Variants in SENP7 observed in about 807,000 individuals in gnomAD.
SENP7 encodes sentrin-specific protease 7.
SENP7 carries 64 observed loss-of-function variants against 141.2 expected under a neutral mutation model. The ratio of observed to expected loss-of-function variants is 0.45; its 90% CI spans 0.37 to 0.56. The LOEUF (loss-of-function observed/expected upper bound fraction) is 0.56, where lower values mean the gene tolerates loss of function less well. Among genes scored for constraint, SENP7 ranks in the 20% least tolerant of loss-of-function variants. The pLI is 0.00. For missense variants in SENP7, 1,025 were observed against 1,212.2 expected (o/e 0.85, Z 2.29); for synonymous variants, 382 against 426.4 (o/e 0.90, Z 1.28).
intron 4 of SENP7, among the ~76,000 whole-genome samples, chr3:101,434,787 C>T (rs866398259): frequency 2.0e-5 from 3 of 151,996 alleles, no homozygotes; most frequent in Non-Finnish European, 4.4e-5. Context: ...AAAAGTCTCC[C>T]AGTAAAGGAA....
chr3:101,481,415 CAT>C (rs1393514234), intron 3 of SENP7, among the ~76,000 whole-genome samples: 1 of 152,114 alleles, frequency 6.6e-6, no homozygotes, highest in Non-Finnish European at 1.5e-5. Context: ...TGTATTCACT[CAT>C]ATGTGGGTGC....
chr3:101,339,096 A>G (rs2059263535), intron 16 of SENP7, among the ~76,000 whole-genome samples: 1 of 152,190 alleles, frequency 6.6e-6, no homozygotes, highest in Non-Finnish European at 1.5e-5. Flanking sequence ...TGTATTCCAT[A>G]TGTTCAAAAA....
chr3:101,413,635 C>A (rs1198321264), intron 5 of SENP7, among the ~76,000 whole-genome samples: 2 of 149,344 alleles, frequency 1.3e-5, no homozygotes, highest in Non-Finnish European at 3.0e-5. Context: ...GTGTGATAAG[C>A]GTTATGATAT....
chr3:101,384,918 T>C (rs1046333751), intron 6 of SENP7, among the ~76,000 whole-genome samples: 1 of 152,224 alleles, frequency 6.6e-6, no homozygotes, highest in Non-Finnish European at 1.5e-5. Flanking sequence ...CTATTAAACC[T>C]CATTTCTTAC....
At chr3:101,432,634 C>G (rs1031527042) in intron 4 of SENP7, among the ~76,000 whole-genome samples, 1 of 152,334 alleles carries the variant, frequency 6.6e-6, no homozygotes, top group African/African-American at 2.4e-5. Flanking sequence ...GAACAAGAGT[C>G]TCTGCCTGGT....
intron 4 of SENP7, among the ~76,000 whole-genome samples, chr3:101,453,959 C>T (rs1285336474): frequency 6.7e-6 from 1 of 150,000 alleles, no homozygotes. Flanking sequence ...AACAAAACCA[C>T]AATGAGATAC....
At chr3:101,465,868 TA>T (rs1306509752) in intron 3 of SENP7, among the ~76,000 whole-genome samples, 1 of 152,162 alleles carries the variant, frequency 6.6e-6, no homozygotes, top group Admixed American at 6.5e-5. Flanking sequence ...CTAAGTGAGA[TA>T]TTTTTTAAAA....
intron 5 of SENP7, among the ~76,000 whole-genome samples, chr3:101,403,356 G>A (rs1424073769): frequency 6.6e-6 from 1 of 152,166 alleles, no homozygotes; most frequent in Admixed American, 6.5e-5. Flanking sequence ...GTTCCAGACA[G>A]CATAAAATTT....
rs910646541 is a variant in SENP7, at chr3:101,325,393, A to C, written c.*550T>G. On this transcript the variant is annotated 3_prime_UTR_variant, in exon 24 of 24. Coordinates refer to ENST00000394095, the MANE Select transcript of SENP7 (RefSeq NM_020654.5). ...TTTTTATCATCTTCCTAACATTATGAATGTCTTTTTGTTACATACAGAAGG... is the reference window on the plus strand; with the variant it reads ...TTTTTATCATCTTCCTAACATTATGCATGTCTTTTTGTTACATACAGAAGG... 3 of 152,488 alleles carry C rather than the reference A, an allele frequency of 2.0e-5. No homozygotes were observed. The highest frequency in any genetic ancestry group is 4.4e-5 in the Non-Finnish European group (3 of 68,006). 9.4% of individuals were successfully genotyped at this position (152,488 alleles called of 1,614,324 possible).
intron 11 of SENP7, among the ~76,000 whole-genome samples, chr3:101,360,420 T>C (rs1412756021): frequency 1.3e-5 from 2 of 152,250 alleles, no homozygotes; most frequent in African/African-American, 4.8e-5. Context: ...ATTTCTGTTT[T>C]ATATTTTACC....
At chr3:101,427,608 T>C (rs1245391238) in intron 4 of SENP7, among the ~76,000 whole-genome samples, 1 of 152,130 alleles carries the variant, frequency 6.6e-6, no homozygotes, top group Non-Finnish European at 1.5e-5. Context: ...AATGCACCTC[T>C]GCTTTCATTC....
At chr3:101,393,728 G>T (rs564294124) in intron 6 of SENP7, among the ~76,000 whole-genome samples, 4 of 152,320 alleles carry the variant, frequency 2.6e-5, no homozygotes, top group African/African-American at 9.6e-5. Context: ...TGAAAAGTTT[G>T]AGACTGGGTG....
intron 4 of SENP7, among the ~76,000 whole-genome samples, chr3:101,433,275 A>G (rs2062252086): frequency 6.6e-6 from 1 of 152,020 alleles, no homozygotes; most frequent in South Asian, 2.1e-4. Flanking sequence ...ACAAAAAATA[A>G]AAAGCATTAA....
intron 4 of SENP7, among the ~76,000 whole-genome samples, chr3:101,441,760 A>G (rs2062683291): frequency 6.6e-6 from 1 of 152,118 alleles, no homozygotes; most frequent in Non-Finnish European, 1.5e-5. Flanking sequence ...CATCCCTACC[A>G]TGACTGGTGC....
chr3:101,361,859 C>T lies in SENP7; in HGVS notation c.1479G>A (p.Met493Ile), dbSNP rs936342312. ...LPLITCESVQ[M>I]SSELCPYNPV... ...GATTATATGGGCATAATTCAGATGA[C>T]ATCTAACAAGGAATAAATCATAAAA... Residue 493 changes from methionine to isoleucine, a missense_variant and splice_region_variant, in exon 11 of 24, where the codon ATG (methionine) becomes ATA (isoleucine). Transcript: ENST00000394095. The T allele has an allele frequency of 2.0e-5, 32 of 1,590,296 alleles. No homozygotes were observed. The highest frequency in any genetic ancestry group is 2.2e-5 in the Non-Finnish European group (26 of 1,173,046).
chr3:101,437,585 G>A (rs909158167), intron 4 of SENP7, among the ~76,000 whole-genome samples: 1 of 152,128 alleles, frequency 6.6e-6, no homozygotes, highest in Non-Finnish European at 1.5e-5. Flanking sequence ...GGTGGCATGT[G>A]CCTGTAGTCC....
intron 6 of SENP7, among the ~76,000 whole-genome samples, chr3:101,380,445 C>CCCCACACACA (rs58844573): frequency 7.0e-5 from 9 of 128,812 alleles, no homozygotes; most frequent in South Asian, 2.7e-4. Context: ...GCCCCCCCCC[C>CCCCACACACA]CACACACACA....
chr3:101,422,233 C>G (rs2061812991), intron 4 of SENP7, among the ~76,000 whole-genome samples: 10 of 152,098 alleles, frequency 6.6e-5, no homozygotes, highest in Admixed American at 6.5e-4. Flanking sequence ...CTAAACCACT[C>G]CCCACAACAC....
At chr3:101,401,025 G>A (rs2107588063) in intron 5 of SENP7, among the ~76,000 whole-genome samples, 1 of 151,892 alleles carries the variant, frequency 6.6e-6, no homozygotes, top group African/African-American at 2.4e-5. Context: ...TTGACCCCAG[G>A]AGTTCAAGGC....
Sources: allele counts gnomAD v4.1 joint callset (sites outside exome capture counted in the v4.1 genomes callset), GRCh38; gene constraint gnomAD v4.1.1; transcripts MANE v1.5; gene names NCBI Gene and HGNC (gene_info 2026-07-23, HGNC 2026-07-21).